TTC21B: variants seen among roughly 807,000 people sequenced by gnomAD.
The protein encoded by TTC21B is tetratricopeptide repeat domain 21B.
A neutral mutation model predicts 175.1 loss-of-function variants in TTC21B; 127 were observed. The ratio of observed to expected loss-of-function variants is 0.73; its 90% CI spans 0.63 to 0.84. The LOEUF (loss-of-function observed/expected upper bound fraction) is 0.84. Ranked by LOEUF, TTC21B falls within the 40% of genes least tolerant of loss-of-function variation. The pLI, the probability that TTC21B is intolerant of heterozygous loss-of-function variation, is 0.00. For missense variants in TTC21B, 1,561 were observed against 1,558.3 expected (o/e 1.00, Z -0.03); for synonymous variants, 524 against 524.5 (o/e 1.00, Z 0.01).
chr2:165,898,855 T>C (rs953781239), intron 21 of TTC21B, 88 bp from the exon 22 acceptor site: 35 of 841,768 alleles, frequency 4.2e-5, no homozygotes, highest in South Asian at 2.7e-5. Context: ...TAGAAAAATA[T>C]AGATGATAAA....
chr2:165,890,423 G>T, intron 24 of TTC21B, 56 bp downstream of exon 24: 1 of 1,547,134 alleles, frequency 6.5e-7, no homozygotes, highest in Non-Finnish European at 8.9e-7. Flanking sequence ...TAGTATCCCT[G>T]TTTATTATCT....
intron 12 of TTC21B, among the ~76,000 whole-genome samples, chr2:165,922,502 A>C (rs1686448733): frequency 6.7e-6 from 1 of 149,540 alleles, no homozygotes; most frequent in Non-Finnish European, 1.5e-5. Flanking sequence ...CATCAGGGAA[A>C]TGTAAATTAA....
At chr2:165,929,600 T>C in intron 10 of TTC21B, 50 bp downstream of exon 10, 1 of 1,320,672 alleles carries the variant, frequency 7.6e-7, no homozygotes, top group Non-Finnish European at 1.1e-6. Context: ...AATAATTTCA[T>C]ATTTTATAAA....
chr2:165,945,461 T>G, intron 4 of TTC21B, 63 bp downstream of exon 4: 1 of 1,439,504 alleles, frequency 6.9e-7, no homozygotes, highest in South Asian at 1.2e-5. Flanking sequence ...CAGATACTAC[T>G]GGATATATCA....
In TTC21B at chr2:165,900,064, G is replaced by GAAA. The variant is rs56346146; in HGVS notation, c.2758-187_2758-185dup. On this transcript the variant is annotated intron_variant, in intron 20 of 28. Transcript: ENST00000243344. Reference sequence around the variant, plus strand: ...CCCATCTCTATTTTCTCTTACACTAGAAAAAAAAAAAACAGAGAAACAGGT... The same window carrying GAAA: ...CCCATCTCTATTTTCTCTTACACTAGAAAAAAAAAAAAAAACAGAGAAACAGGT... Among the ~76,000 whole-genome samples, 3 of 128,374 alleles carry GAAA rather than the reference G, an allele frequency of 2.3e-5. No homozygotes were observed. In the South Asian group the frequency reaches 7.3e-4, roughly 31 times the overall value. The allele number at this position is 128,374 out of a possible 152,430, so 84.2% of individuals were successfully genotyped here. A position where few individuals can be genotyped will look rare whatever the true frequency, so the allele number is the denominator to read the frequency against.
rs1001527997 is a variant in TTC21B at position 165,885,347 on chromosome 2, C to T, written c.3460-1329G>A. ...TCTGGAATAGAGAAGGGCAATACAT[C>T]AGGGTTTTATAAAAACAGCTTTTAG... On this transcript the variant is annotated intron_variant, in intron 25 of 28. Coordinates refer to ENST00000243344, the MANE Select transcript of TTC21B (RefSeq NM_024753.5). 5.3e-5 allele frequency among the ~76,000 whole-genome samples: 8 copies of T among 152,112 alleles called. 1 individual carries two copies. The highest frequency in any genetic ancestry group is 5.2e-4 in the Admixed American group (8 of 15,242).
At chr2:165,945,466 A>G (rs1687518677) in intron 4 of TTC21B, 58 bp downstream of exon 4, 1 of 1,472,786 alleles carries the variant, frequency 6.8e-7, no homozygotes, top group African/African-American at 1.4e-5. Flanking sequence ...ACTACTGGAT[A>G]TATCAATAAC....
At chr2:165,884,778 C>A (rs1366143952) in intron 25 of TTC21B, among the ~76,000 whole-genome samples, 3 of 152,146 alleles carry the variant, frequency 2.0e-5, no homozygotes, top group Admixed American at 2.0e-4. Context: ...TCTATCCAGA[C>A]AACTAACTTT....
intron 27 of TTC21B, 29 bp from the exon 28 acceptor site, chr2:165,876,261 T>G (rs747527226): frequency 7.5e-7 from 1 of 1,337,818 alleles, no homozygotes; most frequent in South Asian, 1.2e-5. Context: ...TAAAACAGAA[T>G]GATGGAGTAC....
At chr2:165,933,494 T>G (rs1000790101) in intron 6 of TTC21B, among the ~76,000 whole-genome samples, 6 of 151,984 alleles carry the variant, frequency 3.9e-5, no homozygotes, top group Non-Finnish European at 8.8e-5. Flanking sequence ...AATATTACAT[T>G]AAAAAATCTT....
chr2:165,951,430 T>C (rs944652920), intron 1 of TTC21B, among the ~76,000 whole-genome samples: 5 of 152,144 alleles, frequency 3.3e-5, no homozygotes, highest in African/African-American at 1.2e-4. Flanking sequence ...TTCCTCTGCA[T>C]CCCATATGTT....
chr2:165,937,364 G>A (rs1054302721), intron 6 of TTC21B, among the ~76,000 whole-genome samples: 3 of 152,196 alleles, frequency 2.0e-5, no homozygotes, highest in East Asian at 1.9e-4. Context: ...CTATAATGGT[G>A]GATACATGTG....
In TTC21B at chr2:165,952,330, T is replaced by C. The variant is rs189980000; in HGVS notation, c.21+1355A>G. Among the ~76,000 whole-genome samples, 11 of 150,482 alleles carry C rather than the reference T, an allele frequency of 7.3e-5. No individual in the cohort carries two copies. The East Asian group carries it at 2.2e-3, about 30-fold the overall frequency. ...ATAAAGTTTTATTGAAACACAGCCA[T>C]GCTCATTTAAGTATTGTCTATGGCT... is the stretch of plus-strand genomic sequence containing the variant. On this transcript the variant is annotated intron_variant, in intron 1 of 28. Coordinates refer to ENST00000243344, the MANE Select transcript of TTC21B (RefSeq NM_024753.5).
chr2:165,901,867 TC>T lies in TTC21B; in HGVS notation c.2611del (p.Glu871AsnfsTer12), dbSNP rs781052575. On this transcript the variant is annotated frameshift_variant, in exon 20 of 29. Coordinates refer to ENST00000243344, the MANE Select transcript of TTC21B (RefSeq NM_024753.5). LOFTEE classifies it high-confidence loss of function. The part of the protein sequence containing the change: ...QARVLKRVQM[E>X]QPDAVPAQKH... ...CTGTGCAGGAACTGCATCTGGCTGT[TC>T]CATCTGAACACGTTTTAGTACCCGA... 3 of 1,613,900 alleles carry T rather than the reference TC, an allele frequency of 1.9e-6. No homozygotes were observed. The highest frequency in any genetic ancestry group is 2.2e-5 in the South Asian group (2 of 91,086).
chr2:165,929,822 C>T (rs1686819094), intron 9 of TTC21B, 75 bp from the exon 10 acceptor site: 3 of 973,728 alleles, frequency 3.1e-6, no homozygotes, highest in South Asian at 2.6e-5. Context: ...AACATAACAA[C>T]ATTAATAAAA....
intron 12 of TTC21B, among the ~76,000 whole-genome samples, chr2:165,920,673 G>A (rs1460024939): frequency 7.2e-6 from 1 of 139,692 alleles, no homozygotes; most frequent in African/African-American, 2.8e-5. Flanking sequence ...GAAAATGAGT[G>A]CCGTATGAGT....
intron 22 of TTC21B, among the ~76,000 whole-genome samples, chr2:165,894,148 G>A (rs558042072): frequency 7.8e-4 from 119 of 152,164 alleles, no homozygotes; most frequent in African/African-American, 2.7e-3. Flanking sequence ...GTTAGGATAC[G>A]ACAGACTGGA....
rs758470864 is a variant in TTC21B, at chr2:165,891,140, G to A, written c.2951-152C>T. On this transcript the variant is annotated intron_variant, in intron 22 of 28. Transcript: ENST00000243344. The stretch of plus-strand genomic sequence containing the variant: ...CCTCAGGGTATAATTCCCTATAGAG[G>A]CTGTATGGCCAACTAGATGATCTAC... The A allele has an allele frequency of 5.6e-5, 38 of 681,992 alleles. No individual in the cohort carries two copies. In the South Asian group the frequency reaches 7.5e-4, roughly 14 times the overall value. The allele number at this position is 681,992 out of a possible 1,614,324, so 42.2% of individuals were successfully genotyped here.
chr2:165,911,343 A>G lies in TTC21B; in HGVS notation c.2445T>C (p.Ala815=), dbSNP rs777221975. ...CTTTCATACCAGGTTCATGAGCCAG[A>G]GCATGCTGAAGAACTTTTTCTGCTT... ...YDKAEKVLQH[A]LAHEPVNELS... is the part of the protein sequence containing the mutation. The change falls in exon 18 of 29, where the codon GCT becomes GCC. Residue 815 remains alanine, a synonymous_variant. Coordinates refer to ENST00000243344, the MANE Select transcript of TTC21B (RefSeq NM_024753.5). 4.3e-6 allele frequency: 7 copies of G among 1,613,912 alleles called. No homozygotes were observed. In the South Asian group the frequency reaches 7.7e-5, roughly 18 times the overall value.
Sources: allele counts gnomAD v4.1 joint callset (sites outside exome capture counted in the v4.1 genomes callset), GRCh38; gene constraint gnomAD v4.1.1; transcripts MANE v1.5; gene names NCBI Gene and HGNC (gene_info 2026-07-23, HGNC 2026-07-21).